Variants in RAB33B observed in about 807,000 individuals in gnomAD.
RAB33B encodes ras-related protein Rab-33B.
Under a neutral mutation model 15.0 loss-of-function variants are expected in RAB33B, and 6 were observed. That is an observed-to-expected ratio of 0.40 (90% CI 0.22 to 0.79). The LOEUF is 0.79. RAB33B is among the 30% of genes least tolerant of loss of function. The pLI is 0.37. For missense variants in RAB33B, 257 were observed against 296.4 expected (o/e 0.87, Z 0.98); for synonymous variants, 117 against 108.3 (o/e 1.08, Z -0.50).
At chr4:139,439,325 C>T in the RAB33B span, among the ~76,000 whole-genome samples, 3 of 152,270 alleles carry the variant, frequency 2.0e-5, no homozygotes, top group African/African-American at 7.2e-5. Context: ...GATTGATAGA[C>T]TAAATTTTTT....
At chr4:139,448,020 G>C in the RAB33B span, among the ~76,000 whole-genome samples, 3 of 152,102 alleles carry the variant, frequency 2.0e-5, no homozygotes, top group African/African-American at 7.2e-5. Flanking sequence ...GTGTTGGCTG[G>C]GGTGATTGAC....
At chr4:139,449,902 C>T (rs921131180), upstream of RAB33B, 5 of 152,162 alleles carry the variant, frequency 3.3e-5, no homozygotes, top group Non-Finnish European at 5.9e-5. Context: ...GCCATCCTAG[C>T]TTCCCATCTG....
chr4:139,466,108 G>A (rs991990800), intron 1 of RAB33B, among the ~76,000 whole-genome samples: 2 of 152,120 alleles, frequency 1.3e-5, no homozygotes, highest in Non-Finnish European at 2.9e-5. Context: ...GGCTCCCTAA[G>A]TGCTGGGATT....
rs1455584663 is a variant in RAB33B, at chr4:139,454,129, G to T, written c.-67G>T. On this transcript the variant is annotated 5_prime_UTR_variant, in exon 1 of 2. Coordinates refer to ENST00000305626, the MANE Select transcript of RAB33B (RefSeq NM_031296.3). ...TGGCCGGCTGGGCGCGCGCTCTTGCGGTGGCGTAATCTCTCAGCCTTTCTG... is the reference window on the plus strand; with the variant it reads ...TGGCCGGCTGGGCGCGCGCTCTTGCTGTGGCGTAATCTCTCAGCCTTTCTG... 2 of 1,519,218 alleles carry T rather than the reference G, an allele frequency of 1.3e-6. No individual in the cohort carries two copies. The highest frequency in any genetic ancestry group is 2.3e-4 in the Middle Eastern group (1 of 4,312). The allele number at this position is 1,519,218 out of a possible 1,614,324, so 94.1% of individuals were successfully genotyped here. A position where few individuals can be genotyped will look rare whatever the true frequency, so the allele number is the denominator to read the frequency against.
chr4:139,444,967 T>C, the RAB33B span, among the ~76,000 whole-genome samples: 23 of 152,310 alleles, frequency 1.5e-4, no homozygotes, highest in African/African-American at 5.5e-4. Flanking sequence ...CATCAAGGAC[T>C]TGAAAGACAC....
At chr4:139,470,116 C>A (rs1439730531) in intron 1 of RAB33B, among the ~76,000 whole-genome samples, 1 of 152,218 alleles carries the variant, frequency 6.6e-6, no homozygotes, top group Non-Finnish European at 1.5e-5. Context: ...GCCAGCCAGG[C>A]CTGTGTCCTT....
chr4:139,440,231 G>A, the RAB33B span, among the ~76,000 whole-genome samples: 3 of 152,106 alleles, frequency 2.0e-5, no homozygotes, highest in African/African-American at 7.2e-5. Context: ...CCCCTAGGCT[G>A]TGCCATGACT....
At chr4:139,469,912 C>A (rs72726547) in intron 1 of RAB33B, among the ~76,000 whole-genome samples, 4 of 152,088 alleles carry the variant, frequency 2.6e-5, no homozygotes, top group Non-Finnish European at 1.5e-5. Context: ...GACACAAGCA[C>A]CCCTGTGACC....
chr4:139,465,722 C>CTT (rs375295002), intron 1 of RAB33B, among the ~76,000 whole-genome samples: 1,873 of 133,120 alleles, frequency 0.014, 27 homozygotes, highest in African/African-American at 0.046. Flanking sequence ...TCTTCTTCTT[C>CTT]TTTTTTTTTT....
At chr4:139,463,130 T>C (rs1414047770) in intron 1 of RAB33B, among the ~76,000 whole-genome samples, 1 of 152,200 alleles carries the variant, frequency 6.6e-6, no homozygotes, top group Non-Finnish European at 1.5e-5. Context: ...TGTGCCACTG[T>C]ACCCCAACCT....
upstream of RAB33B, chr4:139,450,088 C>T (rs1175939118): frequency 1.3e-5 from 2 of 152,174 alleles, no homozygotes; most frequent in Non-Finnish European, 2.9e-5. Flanking sequence ...GTATAAATTC[C>T]TCATGGGCTA....
rs1466504049 is a variant in RAB33B at position 139,464,395 on chromosome 4, T to G, written c.250-8291T>G. Among the ~76,000 whole-genome samples, 257 of 145,958 alleles carry G rather than the reference T, an allele frequency of 1.8e-3. 2 individuals are homozygous for G. The highest frequency in any genetic ancestry group is 5.3e-3 in the African/African-American group (208 of 39,292). Reference sequence around the variant, plus strand: ...TGGGAAGAGGAATACTGTTTTTTTTTTTTTTTTTTTTTTTTTTATACTTTA... The same window carrying G: ...TGGGAAGAGGAATACTGTTTTTTTTGTTTTTTTTTTTTTTTTTATACTTTA... On this transcript the variant is annotated intron_variant, in intron 1 of 1. Coordinates refer to ENST00000305626, the MANE Select transcript of RAB33B (RefSeq NM_031296.3).
At chr4:139,465,992 G>A (rs1750277145) in intron 1 of RAB33B, among the ~76,000 whole-genome samples, 1 of 151,934 alleles carries the variant, frequency 6.6e-6, no homozygotes, top group Admixed American at 6.6e-5. Context: ...GTCTCACTGT[G>A]TTGCCCAAGC....
rs1195446414 is a variant in RAB33B at position 139,475,606 on chromosome 4, T to G, written c.*2480T>G. 6.6e-6 allele frequency: 1 copy of G among 152,022 alleles called. No homozygotes were observed. Among genetic ancestry groups the G allele is most frequent in the East Asian group, 1.9e-4 (1 of 5,198 alleles). The allele number at this position is 152,022 out of a possible 1,614,324, so 9.4% of individuals were successfully genotyped here. ...AATCACTTCCAAAATGATAGCTATC[T>G]AACAACTAATTACTAATTTTTAAAG... is the stretch of plus-strand genomic sequence containing the variant. On this transcript the variant is annotated 3_prime_UTR_variant, in exon 2 of 2. Coordinates refer to ENST00000305626, the MANE Select transcript of RAB33B (RefSeq NM_031296.3).
intron 1 of RAB33B, among the ~76,000 whole-genome samples, chr4:139,466,263 A>G (rs569426249): frequency 6.6e-6 from 1 of 152,314 alleles, no homozygotes; most frequent in Non-Finnish European, 1.5e-5. Flanking sequence ...AATGACATGC[A>G]TGTTTGTTAA....
rs747936685 is a variant in RAB33B at position 139,454,360 on chromosome 4, T to A, written c.165T>A (p.Ala55=). 1.2e-6 allele frequency: 2 copies of A among 1,614,040 alleles called. No individual in the cohort carries two copies. The highest frequency in any genetic ancestry group is 2.2e-5 in the South Asian group (2 of 91,082). The change falls in exon 1 of 2, where the codon GCT becomes GCA. Residue 55 remains alanine (A), a synonymous_variant. Transcript: ENST00000305626. ...GKTCLTYRFC[A]GRFPDRTEAT... ...CATGCCTGACCTACCGCTTCTGCGCTGGCCGCTTCCCCGACCGCACCGAGG... is the reference window on the plus strand; with the variant it reads ...CATGCCTGACCTACCGCTTCTGCGCAGGCCGCTTCCCCGACCGCACCGAGG...
chr4:139,463,277 G>A (rs965155842), intron 1 of RAB33B, among the ~76,000 whole-genome samples: 1 of 152,172 alleles, frequency 6.6e-6, no homozygotes, highest in Non-Finnish European at 1.5e-5. Flanking sequence ...CCTATTAAAG[G>A]CGTGTGCCAC....
At chr4:139,458,638 T>C (rs1170622271) in intron 1 of RAB33B, among the ~76,000 whole-genome samples, 1 of 152,258 alleles carries the variant, frequency 6.6e-6, no homozygotes. Flanking sequence ...ATATACCACA[T>C]TGTCTTTATC....
intron 1 of RAB33B, among the ~76,000 whole-genome samples, chr4:139,461,406 C>T (rs1213665803): frequency 6.6e-6 from 1 of 152,122 alleles, no homozygotes; most frequent in Non-Finnish European, 1.5e-5. Flanking sequence ...AAGACTTACT[C>T]GTTTTGTGGC....
Sources: allele counts gnomAD v4.1 joint callset (sites outside exome capture counted in the v4.1 genomes callset), GRCh38; gene constraint gnomAD v4.1.1; transcripts MANE v1.5; gene names NCBI Gene and HGNC (gene_info 2026-07-23, HGNC 2026-07-21).